Variants in NARF observed in about 807,000 individuals in gnomAD.
NARF encodes the protein iron-only hydrogenase-like protein 2.
A neutral mutation model predicts 48.0 loss-of-function variants in NARF; 41 were observed. That is an observed-to-expected ratio of 0.85 (90% CI 0.66 to 1.11). The LOEUF (loss-of-function observed/expected upper bound fraction) is 1.11, where lower values mean the gene tolerates loss of function less well. NARF is among the 50% of genes least tolerant of loss of function. The probability of loss-of-function intolerance (pLI) is 0.00; values close to 1 mark genes in which losing one functional copy is unlikely to be tolerated. For synonymous variants in NARF, 215 were observed against 225.5 expected (o/e 0.95, Z 0.42); for missense variants, 613 against 590.2 (o/e 1.04, Z -0.40).
At chr17:82,483,652 C>A in intron 7 of NARF, 64 bp from the exon 8 acceptor site, 1 of 1,494,528 alleles carries the variant, frequency 6.7e-7, no homozygotes, top group Non-Finnish European at 9.3e-7. Flanking sequence ...AAATCTCCTG[C>A]AGGGGAAGAA....
At chr17:82,471,055 C>A (rs147183772) in intron 4 of NARF, among the ~76,000 whole-genome samples, 1 of 151,408 alleles carries the variant, frequency 6.6e-6, no homozygotes, top group Non-Finnish European at 1.5e-5. Context: ...CCCAGCTACT[C>A]GGGAGGCTGA....
intron 5 of NARF, among the ~76,000 whole-genome samples, chr17:82,475,954 C>CT (rs1218604590): frequency 6.6e-6 from 1 of 152,162 alleles, no homozygotes; most frequent in African/African-American, 2.4e-5. Flanking sequence ...AAAGTATAAA[C>CT]TTTATTTCTC....
chr17:82,485,420 C>CA (rs11453409), intron 9 of NARF, 77 bp from the exon 10 acceptor site: 366,439 of 1,232,556 alleles, frequency 0.3, 21,094 homozygotes, highest in East Asian at 0.55. Context: ...GACTCCGTCT[C>CA]AAAAAAAAAA....
At chr17:82,461,801 C>A (rs1201375499) in intron 2 of NARF, among the ~76,000 whole-genome samples, 1 of 152,124 alleles carries the variant, frequency 6.6e-6, no homozygotes, top group Non-Finnish European at 1.5e-5. Context: ...CATATTTTTT[C>A]CTTAAGTTTA....
intron 7 of NARF, among the ~76,000 whole-genome samples, chr17:82,483,012 G>A (rs990709808): frequency 2.0e-5 from 3 of 150,746 alleles, no homozygotes; most frequent in Non-Finnish European, 3.0e-5. Context: ...CTAGACTGGC[G>A]ACCTTGTTTC....
At chr17:82,474,470 A>AG (rs953630350) in intron 5 of NARF, among the ~76,000 whole-genome samples, 19 of 152,308 alleles carry the variant, frequency 1.2e-4, no homozygotes, top group African/African-American at 4.6e-4. Flanking sequence ...GGAATAAGGA[A>AG]GGAATGGCTA....
chr17:82,464,017 G>A (rs1165189510), intron 2 of NARF: 7 of 372,388 alleles, frequency 1.9e-5, no homozygotes, highest in South Asian at 1.7e-4. Flanking sequence ...TTCCTACCAC[G>A]TGACAGTGCT....
chr17:82,484,633 C>T, intron 8 of NARF, 180 bp from the exon 9 acceptor site: 1 of 642,484 alleles, frequency 1.6e-6, no homozygotes, highest in South Asian at 3.1e-5. Context: ...TCAGGCAGGC[C>T]CTCCCAAGAC....
chr17:82,480,952 G>GTT, intron 6 of NARF, 130 bp from the exon 7 acceptor site: 2 of 855,340 alleles, frequency 2.3e-6, no homozygotes, highest in Non-Finnish European at 3.5e-6. Flanking sequence ...AAAAAAAAGA[G>GTT]TGCAGCATGC....
rs930650776 is a variant in NARF at position 82,485,544 on chromosome 17, T to C, written c.1019T>C (p.Val340Ala). Residue 340 changes from valine (V) to alanine (A), a missense_variant, in exon 10 of 11, where the codon GTG becomes GCG. By Grantham distance (64) the Val-to-Ala change is moderately conservative (BLOSUM62 0). Coordinates refer to ENST00000309794, the MANE Select transcript of NARF (RefSeq NM_012336.4). The stretch of plus-strand genomic sequence containing the variant: ...ACCCTTGAGAAGAACGGAGAGGTGG[T>C]GTTACGCTTTGCTGCAGCCTATGGC... ...EVTLEKNGEV[V>A]LRFAAAYGFR... is the part of the protein sequence containing the mutation. The C allele has an allele frequency of 3.1e-6, 5 of 1,614,074 alleles. No individual in the cohort carries two copies. The highest frequency in any genetic ancestry group is 2.7e-5 in the African/African-American group (2 of 74,922).
At chr17:82,474,883 C>T (rs79483966) in intron 5 of NARF, among the ~76,000 whole-genome samples, 3 of 152,298 alleles carry the variant, frequency 2.0e-5, no homozygotes, top group African/African-American at 7.2e-5. Context: ...TTAGTGACTT[C>T]TTTCAGCTGT....
intron 1 of NARF, among the ~76,000 whole-genome samples, chr17:82,459,769 C>G (rs977435964): frequency 6.6e-6 from 1 of 151,868 alleles, no homozygotes; most frequent in Non-Finnish European, 1.5e-5. Context: ...CTCAGAAGGC[C>G]GAGGCAGGAG....
At chr17:82,476,355 C>A (rs2043831666) in intron 5 of NARF, among the ~76,000 whole-genome samples, 1 of 151,554 alleles carries the variant, frequency 6.6e-6, no homozygotes, top group Non-Finnish European at 1.5e-5. Flanking sequence ...TTGGCCAGGC[C>A]AGTCTCAAAC....
chr17:82,480,795 G>C (rs2043945069), intron 6 of NARF: 1 of 508,886 alleles, frequency 2.0e-6, no homozygotes, highest in Non-Finnish European at 3.5e-6. Context: ...AGCCAGGCGT[G>C]GCGGCATGCG....
chr17:82,471,799 A>AAAAAAAAAAAAAAAAAAAAAAAAC (rs2043714971), intron 4 of NARF, among the ~76,000 whole-genome samples: 1 of 148,244 alleles, frequency 6.7e-6, no homozygotes, highest in Non-Finnish European at 1.5e-5. Flanking sequence ...CTCAAAAAAA[A>AAAAAAAAAAAAAAAAAAAAAAAAC]AAAAAAAAGT....
chr17:82,482,982 A>G (rs1248224736), intron 7 of NARF, among the ~76,000 whole-genome samples: 2 of 150,402 alleles, frequency 1.3e-5, no homozygotes, highest in African/African-American at 2.4e-5. Context: ...TTTAGTAGAG[A>G]GGGGGTTTCG....
chr17:82,462,663 C>G (rs1268699359), intron 2 of NARF: 1 of 152,374 alleles, frequency 6.6e-6, no homozygotes, highest in African/African-American at 2.4e-5. Flanking sequence ...CTGCCCTGGG[C>G]TGAGTGAGGC....
chr17:82,468,975 C>G (rs2043635937), intron 4 of NARF, 79 bp downstream of exon 4: 2 of 1,535,530 alleles, frequency 1.3e-6, no homozygotes, highest in South Asian at 2.4e-5. Flanking sequence ...GTTCGTTTTT[C>G]AAGGACGCAG....
At position 82,484,919 on chromosome 17, in the gene NARF, G is replaced by T. The variant is rs1332423910; in HGVS notation, c.940G>T (p.Asp314Tyr). Residue 314 changes from aspartate to tyrosine, a missense_variant, in exon 9 of 11, where the codon GAT becomes TAT. Coordinates refer to ENST00000309794, the MANE Select transcript of NARF (RefSeq NM_012336.4). ...TGCGGCCAAGGAGCTGTTCAACGAG[G>T]ATGTGGAGGAGGTCACTTACCGAGC... is the stretch of plus-strand genomic sequence containing the variant. ...RHAAKELFNE[D>Y]VEEVTYRALR... 1 of 1,612,648 alleles carries T rather than the reference G, an allele frequency of 6.2e-7. No homozygotes were observed. Among genetic ancestry groups the T allele is most frequent in the Non-Finnish European group, 8.5e-7 (1 of 1,179,324 alleles).
Sources: allele counts gnomAD v4.1 joint callset (sites outside exome capture counted in the v4.1 genomes callset), GRCh38; gene constraint gnomAD v4.1.1; transcripts MANE v1.5; gene names NCBI Gene and HGNC (gene_info 2026-07-23, HGNC 2026-07-21).